GNA14: variants seen among roughly 807,000 people sequenced by gnomAD.
GNA14 encodes G protein subunit alpha 14.
In GNA14, 50 loss-of-function variants were observed where a neutral mutation model predicts 42.0. That is an observed-to-expected ratio of 1.19 (90% CI 0.95 to 1.51). GNA14 has a LOEUF of 1.51. GNA14 is among the 40% of genes most tolerant of loss of function. The probability of loss-of-function intolerance (pLI) is 0.00; values close to 1 mark genes in which losing one functional copy is unlikely to be tolerated. For missense variants in GNA14, 473 were observed against 446.2 expected, an observed-to-expected ratio of 1.06 and a Z score of -0.54; for synonymous variants, 173 against 163.1, an observed-to-expected ratio of 1.06 and a Z score of -0.46.
At chr9:77,460,386 C>T (rs1466962739) in intron 2 of GNA14, among the ~76,000 whole-genome samples, 1 of 152,248 alleles carries the variant, frequency 6.6e-6, no homozygotes, top group Non-Finnish European at 1.5e-5. Flanking sequence ...GGAAAAGATT[C>T]TCCCTTGGAG....
intron 1 of GNA14, among the ~76,000 whole-genome samples, chr9:77,613,906 G>A (rs1245663028): frequency 2.0e-5 from 3 of 151,982 alleles, no homozygotes; most frequent in Non-Finnish European, 4.4e-5. Flanking sequence ...AGGATTAGCA[G>A]CTGTTTCTCC....
intron 1 of GNA14, among the ~76,000 whole-genome samples, chr9:77,556,603 G>A (rs1316788052): frequency 1.3e-5 from 2 of 152,048 alleles, no homozygotes; most frequent in East Asian, 1.9e-4. Flanking sequence ...CTTCCTCACA[G>A]CCCAGGCCAC....
At chr9:77,582,909 A>G (rs1193878266) in intron 1 of GNA14, among the ~76,000 whole-genome samples, 1 of 152,216 alleles carries the variant, frequency 6.6e-6, no homozygotes, top group African/African-American at 2.4e-5. Flanking sequence ...GAGACACTCA[A>G]AAACCATTGA....
intron 2 of GNA14, among the ~76,000 whole-genome samples, chr9:77,499,530 C>T (rs1291961780): frequency 6.6e-6 from 1 of 151,916 alleles, no homozygotes; most frequent in African/African-American, 2.4e-5. Context: ...GGTATACATA[C>T]AAAAAGGCCA....
At chr9:77,518,614 G>T (rs1405422327) in intron 2 of GNA14, among the ~76,000 whole-genome samples, 1 of 152,176 alleles carries the variant, frequency 6.6e-6, no homozygotes. Context: ...TACATGCAGA[G>T]TTATTCCTGT....
At chr9:77,538,503 C>A (rs1288681316) in intron 1 of GNA14, among the ~76,000 whole-genome samples, 2 of 152,014 alleles carry the variant, frequency 1.3e-5, no homozygotes, top group South Asian at 2.1e-4. Flanking sequence ...TTGCATTAAA[C>A]CTGTGGATTA....
At chr9:77,641,098 GGGGAAGGAAGGAAGGAAGGAAGGAA>G (rs1824256723) in intron 1 of GNA14, among the ~76,000 whole-genome samples, 3 of 17,674 alleles carry the variant, frequency 1.7e-4, no homozygotes, top group Admixed American at 6.5e-4. Flanking sequence ...AGGGGAGGGG[GGGGAAGGAAGGAAGGAAGGAAGGAA>G]GGAAGGAAGG....
chr9:77,492,932 C>T (rs1019349435), intron 2 of GNA14, among the ~76,000 whole-genome samples: 4 of 140,218 alleles, frequency 2.9e-5, no homozygotes, highest in African/African-American at 8.1e-5. Flanking sequence ...ACCTGGGAGG[C>T]GGAGGTTGCA....
chr9:77,640,702 G>A (rs987119253), intron 1 of GNA14, among the ~76,000 whole-genome samples: 4 of 151,638 alleles, frequency 2.6e-5, no homozygotes, highest in African/African-American at 9.7e-5. Context: ...CTGAATTAGG[G>A]ACTTGATATC....
At chr9:77,640,293 T>TTTGAA (rs1824237556) in intron 1 of GNA14, among the ~76,000 whole-genome samples, 2 of 152,218 alleles carry the variant, frequency 1.3e-5, no homozygotes, top group African/African-American at 2.4e-5. Context: ...TTGTCTCCTC[T>TTTGAA]TTGAATTTCA....
intron 2 of GNA14, among the ~76,000 whole-genome samples, chr9:77,482,806 C>G (rs1035720561): frequency 3.3e-5 from 5 of 152,154 alleles, no homozygotes; most frequent in African/African-American, 9.7e-5. Context: ...TCATTCATTT[C>G]GTCTTCCATC....
intron 1 of GNA14, among the ~76,000 whole-genome samples, chr9:77,605,784 T>C (rs996416007): frequency 3.9e-5 from 6 of 152,218 alleles, no homozygotes; most frequent in Non-Finnish European, 8.8e-5. Flanking sequence ...TACTGAATCT[T>C]TTCTAGTTAG....
chr9:77,424,217 T>C (rs1835418500), intron 6 of GNA14, 48 bp from the exon 7 acceptor site: 3 of 1,341,732 alleles, frequency 2.2e-6, no homozygotes, highest in African/African-American at 2.9e-5. Context: ...CTTAACACCA[T>C]GTCCTCCCAA....
chr9:77,553,686 T>TAATATAAAGAA lies in GNA14; in HGVS notation c.125-24434_125-24433insTTCTTTATATT, dbSNP rs1837812345. ...GAGAAAACAGACACCCATTCCCACT[T>TAATATAAAGAA]ATTTGTGTGCACAGCAAGATGAAGA... On this transcript the variant is annotated intron_variant, in intron 1 of 6. Transcript: ENST00000341700. 2.0e-5 allele frequency among the ~76,000 whole-genome samples: 3 copies of TAATATAAAGAA among 152,300 alleles called. No homozygotes were observed. The East Asian group carries it at 5.8e-4, about 29-fold the overall frequency.
chr9:77,480,656 C>A (rs944318254), intron 2 of GNA14, among the ~76,000 whole-genome samples: 8 of 152,132 alleles, frequency 5.3e-5, no homozygotes, highest in African/African-American at 1.9e-4. Flanking sequence ...TGGTAGAATT[C>A]GGCTGTGAAT....
chr9:77,602,343 A>T (rs976878986), intron 1 of GNA14, among the ~76,000 whole-genome samples: 1 of 152,196 alleles, frequency 6.6e-6, no homozygotes, highest in African/African-American at 2.4e-5. Context: ...AAGACGAACA[A>T]AACAAATAGT....
chr9:77,640,062 A>G (rs1406010978), intron 1 of GNA14, among the ~76,000 whole-genome samples: 1 of 152,206 alleles, frequency 6.6e-6, no homozygotes, highest in Non-Finnish European at 1.5e-5. Context: ...TCCCCTGGCC[A>G]GAACTGATTG....
intron 2 of GNA14, among the ~76,000 whole-genome samples, chr9:77,525,774 G>A (rs1837424919): frequency 6.6e-6 from 1 of 151,828 alleles, no homozygotes; most frequent in African/African-American, 2.4e-5. Context: ...TCCTGACCTT[G>A]TAATATGCCT....
chr9:77,426,788 T>C (rs1835460189), intron 5 of GNA14, among the ~76,000 whole-genome samples: 1 of 152,220 alleles, frequency 6.6e-6, no homozygotes, highest in Admixed American at 6.5e-5. Flanking sequence ...TTGTTCTAGA[T>C]AGCATTCTGC....
Sources: gnomAD v4.1 joint callset for allele counts (sites outside exome capture counted in the v4.1 genomes callset) on GRCh38, gnomAD v4.1.1 for gene constraint, MANE v1.5 for transcripts, NCBI Gene and HGNC (gene_info 2026-07-23, HGNC 2026-07-21) for gene names.